Variants in ARHGAP26 observed in about 807,000 individuals in gnomAD.
ARHGAP26 encodes the protein Rho GTPase activating protein 26.
ARHGAP26 carries 38 observed loss-of-function variants against 104.8 expected under a neutral mutation model. The ratio of observed to expected loss-of-function variants is 0.36; its 90% CI spans 0.28 to 0.48. The LOEUF (loss-of-function observed/expected upper bound fraction) is 0.48, where lower values mean the gene tolerates loss of function less well. ARHGAP26 is among the 20% of genes least tolerant of loss of function. The pLI is 0.99. For synonymous variants in ARHGAP26, 341 were observed against 340.0 expected (o/e 1.00, Z -0.03); for missense variants, 704 against 947.9 (o/e 0.74, Z 3.38).
intron 10 of ARHGAP26, among the ~76,000 whole-genome samples, 154 bp downstream of exon 10, chr5:142,913,447 C>T (rs932040970): frequency 1.3e-5 from 2 of 151,080 alleles, no homozygotes; most frequent in Non-Finnish European, 2.9e-5. Flanking sequence ...CCTTCTCCAT[C>T]CATTCATCTA....
intron 20 of ARHGAP26, among the ~76,000 whole-genome samples, chr5:143,173,714 G>A (rs1298807933): frequency 6.6e-6 from 1 of 152,104 alleles, no homozygotes; most frequent in Non-Finnish European, 1.5e-5. Context: ...CACCATTTGG[G>A]AGCTTTTTTG....
At chr5:142,977,602 G>A (rs1190132578) in intron 11 of ARHGAP26, among the ~76,000 whole-genome samples, 2 of 152,086 alleles carry the variant, frequency 1.3e-5, no homozygotes, top group East Asian at 3.9e-4. Context: ...GAACTCAGCA[G>A]TTTCCTGGGT....
intron 11 of ARHGAP26, among the ~76,000 whole-genome samples, chr5:143,000,368 A>C (rs143771529): frequency 0.011 from 1,725 of 152,352 alleles, 33 homozygotes; most frequent in African/African-American, 0.04. Flanking sequence ...ACAGGGAACC[A>C]CCTAGGTGTC....
chr5:143,026,335 TA>T (rs1781062541), intron 12 of ARHGAP26, among the ~76,000 whole-genome samples: 2 of 152,152 alleles, frequency 1.3e-5, no homozygotes, highest in Admixed American at 1.3e-4. Flanking sequence ...AGCAAGTAGA[TA>T]AAGGTATAAT....
rs549101211 is a variant in ARHGAP26, at chr5:143,111,871, C to T, written c.1539-9117C>T. Among the ~76,000 whole-genome samples the T allele has an allele frequency of 3.9e-5, 6 of 152,316 alleles. No homozygotes were observed. In the South Asian group the frequency reaches 8.3e-4, roughly 21 times the overall value. On this transcript the variant is annotated intron_variant, in intron 17 of 22. Transcript: ENST00000645722. ...CAGGATGAGCTGCTGTGGCCAACCA[C>T]GTCCCCCAACTGCCCCCAGCTTGGC...
intron 10 of ARHGAP26, among the ~76,000 whole-genome samples, chr5:142,930,122 A>G (rs1229292546): frequency 6.6e-6 from 1 of 152,230 alleles, no homozygotes; most frequent in Admixed American, 6.5e-5. Context: ...GTACAGGAGC[A>G]GCACCTACAG....
intron 20 of ARHGAP26, chr5:143,193,824 G>A (rs1806347068): frequency 1.3e-5 from 2 of 152,040 alleles, no homozygotes; most frequent in African/African-American, 2.4e-5. Flanking sequence ...CTCTTATTAT[G>A]CTTAAATGTA....
chr5:142,942,601 T>G (rs1240959987), intron 11 of ARHGAP26, among the ~76,000 whole-genome samples: 1 of 152,234 alleles, frequency 6.6e-6, no homozygotes, highest in African/African-American at 2.4e-5. Flanking sequence ...TTGTTCCCAC[T>G]CTCTAAGTTC....
intron 1 of ARHGAP26, among the ~76,000 whole-genome samples, chr5:142,857,751 A>G (rs887218958): frequency 5.9e-5 from 9 of 152,138 alleles, no homozygotes; most frequent in African/African-American, 1.9e-4. Flanking sequence ...TCTTCGGGAC[A>G]TCACTTTCCT....
At chr5:142,824,153 T>C (rs1270864062) in intron 1 of ARHGAP26, among the ~76,000 whole-genome samples, 2 of 152,186 alleles carry the variant, frequency 1.3e-5, no homozygotes, top group Non-Finnish European at 2.9e-5. Context: ...TGTGTGTGTG[T>C]ACATTTGCTG....
Position 142,955,095 on chromosome 5 carries a change from T to TACACACACACACAC in ARHGAP26, c.1107+22987_1107+23000dup, listed in dbSNP as rs11419144. ...GCAGTTCAACATAGTGAGACCTGTC[T>TACACACACACACAC]ACACACACACACACACACACACACA... On this transcript the variant is annotated intron_variant, in intron 11 of 22. Transcript: ENST00000645722. Among the ~76,000 whole-genome samples, 5 of 52,622 alleles carry TACACACACACACAC rather than the reference T, an allele frequency of 9.5e-5. No homozygotes were observed. In the East Asian group the frequency reaches 0.026, roughly 274 times the overall value. The allele number at this position is 52,622 out of a possible 152,430, so 34.5% of individuals were successfully genotyped here.
chr5:142,814,645 G>A (rs1005718466), intron 1 of ARHGAP26, among the ~76,000 whole-genome samples: 5 of 152,220 alleles, frequency 3.3e-5, no homozygotes, highest in Non-Finnish European at 5.9e-5. Flanking sequence ...TAGCTAGCTT[G>A]TGAGGCAGTG....
rs1786037435 is a variant in ARHGAP26, at chr5:143,057,737, C to G, written c.1528C>G (p.His510Asp). 6.2e-7 allele frequency: 1 copy of G among 1,613,716 alleles called. No homozygotes were observed. The highest frequency in any genetic ancestry group is 8.5e-7 in the Non-Finnish European group (1 of 1,179,776). ...GCAGATGTTACAGCTGCTCATGAAC[C>G]ACTTGGCAAAGTAGGTTTAAGACCA... ...NRQMLQLLMN[H>D]LANVANNHKQ... The change falls in exon 17 of 23, where the codon CAC becomes GAC. Residue 510 changes from histidine (H) to aspartate (D), a missense_variant. Around this residue, in one of 6 missense-constraint regions of ARHGAP26, gnomAD observed 287 missense variants for 438.8 expected, o/e 0.65. Transcript: ENST00000645722.
chr5:142,821,704 T>C (rs2152075569), intron 1 of ARHGAP26, among the ~76,000 whole-genome samples: 1 of 152,324 alleles, frequency 6.6e-6, no homozygotes, highest in South Asian at 2.1e-4. Flanking sequence ...TGAGAAACAC[T>C]TGGACTGAGT....
chr5:143,049,986 T>TA (rs1261211414), intron 14 of ARHGAP26, among the ~76,000 whole-genome samples: 1 of 152,192 alleles, frequency 6.6e-6, no homozygotes, highest in Non-Finnish European at 1.5e-5. Context: ...GCCTGGATTA[T>TA]AATCTTATGA....
In ARHGAP26 at chr5:143,223,405, G is replaced by A. The variant is rs1054248430; in HGVS notation, c.*959G>A. ...TTGGAGCACACCCTAGTAACCTCTT[G>A]AGATTAAATTACATAGTCTTAATAT... On this transcript the variant is annotated 3_prime_UTR_variant, in exon 23 of 23. Coordinates refer to ENST00000645722, the MANE Select transcript of ARHGAP26 (RefSeq NM_001135608.3). The A allele has an allele frequency of 8.6e-6, 2 of 232,208 alleles. No homozygotes were observed. Among genetic ancestry groups the A allele is most frequent in the African/African-American group, 4.4e-5 (2 of 45,292 alleles). 14.4% of individuals were successfully genotyped at this position (232,208 alleles called of 1,614,324 possible).
chr5:143,215,602 C>G (rs1032152930), intron 22 of ARHGAP26, among the ~76,000 whole-genome samples: 1 of 152,130 alleles, frequency 6.6e-6, no homozygotes, highest in Non-Finnish European at 1.5e-5. Context: ...AACCCCATAC[C>G]TTTTAGCAGT....
At chr5:142,950,396 G>A (rs1168349271) in intron 11 of ARHGAP26, among the ~76,000 whole-genome samples, 3 of 151,988 alleles carry the variant, frequency 2.0e-5, no homozygotes, top group African/African-American at 7.3e-5. Flanking sequence ...CTAGTGGTGG[G>A]ATTTTTTTTT....
chr5:143,148,621 A>T (rs988946440), intron 20 of ARHGAP26, among the ~76,000 whole-genome samples: 2 of 152,174 alleles, frequency 1.3e-5, no homozygotes, highest in South Asian at 4.1e-4. Flanking sequence ...GAAGTGGACC[A>T]GTGCCTCAGG....
Sources: allele counts gnomAD v4.1 joint callset (sites outside exome capture counted in the v4.1 genomes callset), GRCh38; gene constraint gnomAD v4.1.1; regional missense constraint gnomAD v4.1.1; transcripts MANE v1.5; gene names NCBI Gene and HGNC (gene_info 2026-07-23, HGNC 2026-07-21).